Variants in GALNT18 observed in about 807,000 individuals in gnomAD.
The protein encoded by GALNT18 is polypeptide N-acetylgalactosaminyltransferase 18.
GALNT18 carries 44 observed loss-of-function variants against 69.5 expected under a neutral mutation model. The observed-to-expected ratio is 0.63, with a 90% CI of 0.50 to 0.81. GALNT18 has a LOEUF of 0.81. Ranked by LOEUF, GALNT18 falls within the 40% of genes least tolerant of loss-of-function variation. GALNT18 has a pLI of 0.00. For synonymous variants in GALNT18, 364 were observed against 318.2 expected (o/e 1.14, Z -1.53); for missense variants, 715 against 810.0 (o/e 0.88, Z 1.42).
At chr11:11,426,140 G>A (rs745375052) in intron 3 of GALNT18, among the ~76,000 whole-genome samples, 16 of 152,226 alleles carry the variant, frequency 1.1e-4, no homozygotes, top group Non-Finnish European at 1.6e-4. Flanking sequence ...GTTGGGTAAC[G>A]TGGTCGCAGG....
intron 1 of GALNT18, among the ~76,000 whole-genome samples, chr11:11,581,389 C>T (rs1278441108): frequency 3.9e-5 from 6 of 152,206 alleles, no homozygotes; most frequent in Non-Finnish European, 7.3e-5. Context: ...TGATTCCTGC[C>T]TTCTGGGGAT....
chr11:11,474,788 G>A (rs1221757069), intron 1 of GALNT18, among the ~76,000 whole-genome samples: 1 of 152,196 alleles, frequency 6.6e-6, no homozygotes, highest in Non-Finnish European at 1.5e-5. Flanking sequence ...AAGAGTTGCT[G>A]CAGTGCAAAC....
rs972976800 is a variant in GALNT18, at chr11:11,377,396, C to T, written c.780-17G>A. 1.2e-6 allele frequency: 2 copies of T among 1,612,296 alleles called. No individual in the cohort carries two copies. Among genetic ancestry groups the T allele is most frequent in the South Asian group, 2.2e-5 (2 of 91,018 alleles). On this transcript the variant is annotated splice_polypyrimidine_tract_variant and intron_variant, in intron 4 of 10. Transcript: ENST00000227756. The surrounding 1 kb of genome is among the most constrained non-coding windows in gnomAD (Gnocchi z 4.6). ...GGTTCAGCCCTGGGCAGAGAGGAGA[C>T]AGCCAGAGAGGGTAACCATTTCCAA... is the stretch of plus-strand genomic sequence containing the variant.
At chr11:11,519,354 A>G (rs966852613) in intron 1 of GALNT18, among the ~76,000 whole-genome samples, 2 of 152,196 alleles carry the variant, frequency 1.3e-5, no homozygotes, top group African/African-American at 4.8e-5. Context: ...CAAGGGAGAG[A>G]GTCCTTCCAG....
intron 6 of GALNT18, among the ~76,000 whole-genome samples, chr11:11,350,043 C>T (rs1225649104): frequency 1.3e-5 from 2 of 152,206 alleles, no homozygotes; most frequent in Non-Finnish European, 2.9e-5. Context: ...AGGGATCCCT[C>T]ATAACTATCA....
intron 1 of GALNT18, among the ~76,000 whole-genome samples, chr11:11,552,982 G>A (rs1390373998): frequency 6.6e-6 from 1 of 152,102 alleles, no homozygotes; most frequent in Admixed American, 6.5e-5. Flanking sequence ...TCTCAGCCCT[G>A]GGCTTTGCTT....
At chr11:11,446,413 A>G (rs1381740176) in intron 2 of GALNT18, among the ~76,000 whole-genome samples, 1 of 152,154 alleles carries the variant, frequency 6.6e-6, no homozygotes, top group African/African-American at 2.4e-5. Flanking sequence ...TGAAAAGTCC[A>G]TGGCTCTTCT....
rs1459411433 is a variant in GALNT18 at position 11,271,299 on chromosome 11, C to G, written c.1678-9G>C. 1 of 1,611,786 alleles carries G rather than the reference C, an allele frequency of 6.2e-7. No individual in the cohort carries two copies. Among genetic ancestry groups the G allele is most frequent in the Non-Finnish European group, 8.5e-7 (1 of 1,178,292 alleles). ...TTCTGGATGGGTCCTCCCTAGGGGC[C>G]AGGGCAGACAGTGGGGTCAGAGGGC... On this transcript the variant is annotated splice_polypyrimidine_tract_variant and intron_variant, in intron 10 of 10. Coordinates refer to ENST00000227756, the MANE Select transcript of GALNT18 (RefSeq NM_198516.3).
chr11:11,416,808 T>C (rs1478012255), intron 3 of GALNT18, among the ~76,000 whole-genome samples: 12 of 152,114 alleles, frequency 7.9e-5, no homozygotes, highest in Non-Finnish European at 1.6e-4. Flanking sequence ...TTAGGGAAGC[T>C]AGGGCAGCGT....
Position 11,591,907 on chromosome 11 carries a change from G to T in GALNT18, c.235+29452C>A, listed in dbSNP as rs1859369508. On this transcript the variant is annotated intron_variant, in intron 1 of 10. Transcript: ENST00000227756. This position sits in a 1 kb window ranked among gnomAD's most constrained non-coding sequence, Gnocchi z 4.8. ...TGATGTAACACAGTCCTCAAGATCA[G>T]ACCACATAGAGTCAATTCCTATCCC... Among the ~76,000 whole-genome samples the T allele has an allele frequency of 6.6e-6, 1 of 152,194 alleles. No homozygotes were observed. The highest frequency in any genetic ancestry group is 2.1e-4 in the South Asian group (1 of 4,826).
At position 11,470,611 on chromosome 11, in the gene GALNT18, C is replaced by T. The variant is rs1385076774; in HGVS notation, c.236-21675G>A. Among the ~76,000 whole-genome samples, 1 of 152,124 alleles carries T rather than the reference C, an allele frequency of 6.6e-6. No homozygotes were observed. Among genetic ancestry groups the T allele is most frequent in the East Asian group, 1.9e-4 (1 of 5,182 alleles). On this transcript the variant is annotated intron_variant, in intron 1 of 10. Transcript: ENST00000227756. The surrounding 1 kb of genome is among the most constrained non-coding windows in gnomAD (Gnocchi z 4.8). ...ATCTGTATATGATTCCTGTCTACTACTAAGCTAGCTGAGATATTGGCAGAG... is the reference window on the plus strand; with the variant it reads ...ATCTGTATATGATTCCTGTCTACTATTAAGCTAGCTGAGATATTGGCAGAG...
chr11:11,320,975 C>T lies in GALNT18; in HGVS notation c.1512+6111G>A, dbSNP rs906618263. The stretch of plus-strand genomic sequence containing the variant: ...ACCAGGACACCAAGGGCTCCCTGTA[C>T]AGCCCAGCTGCATGAGTGTTCTGTG... On this transcript the variant is annotated intron_variant, in intron 9 of 10. Coordinates refer to ENST00000227756, the MANE Select transcript of GALNT18 (RefSeq NM_198516.3). The surrounding 1 kb of genome is among the most constrained non-coding windows in gnomAD (Gnocchi z 4.9). Among the ~76,000 whole-genome samples, 16 of 152,208 alleles carry T rather than the reference C, an allele frequency of 1.1e-4. No homozygotes were observed. Among genetic ancestry groups the T allele is most frequent in the African/African-American group, 3.4e-4 (14 of 41,450 alleles).
rs1333534511 is a variant in GALNT18 at position 11,415,366 on chromosome 11, CCA to C, written c.595+17253_595+17254del. Among the ~76,000 whole-genome samples the C allele has an allele frequency of 6.6e-6, 1 of 152,064 alleles. No individual in the cohort carries two copies. The highest frequency in any genetic ancestry group is 1.5e-5 in the Non-Finnish European group (1 of 68,016). On this transcript the variant is annotated intron_variant, in intron 3 of 10. Coordinates refer to ENST00000227756, the MANE Select transcript of GALNT18 (RefSeq NM_198516.3). This position sits in a 1 kb window ranked among gnomAD's most constrained non-coding sequence, Gnocchi z 4.1. The stretch of plus-strand genomic sequence containing the variant: ...GGTGGGGGATGACTTAGAATTCTGC[CCA>C]CACAGTGATCAATAAATAGTTGCCG...
chr11:11,525,827 T>C (rs893425383), intron 1 of GALNT18, among the ~76,000 whole-genome samples: 2 of 151,824 alleles, frequency 1.3e-5, no homozygotes, highest in African/African-American at 4.8e-5. Flanking sequence ...AGAGACAGGG[T>C]TTCTCCATGT....
intron 9 of GALNT18, among the ~76,000 whole-genome samples, chr11:11,297,394 C>T (rs528871986): frequency 4.9e-4 from 74 of 152,254 alleles, no homozygotes; most frequent in Middle Eastern, 3.4e-3. Context: ...AGCTGAGGCA[C>T]GGAGACCATA....
chr11:11,437,448 G>C (rs1322305828), intron 2 of GALNT18, among the ~76,000 whole-genome samples: 1 of 152,112 alleles, frequency 6.6e-6, no homozygotes, highest in African/African-American at 2.4e-5. Flanking sequence ...TGCAGGGATG[G>C]GGAGCAACAA....
At chr11:11,550,057 T>G (rs1858152970) in intron 1 of GALNT18, among the ~76,000 whole-genome samples, 1 of 152,224 alleles carries the variant, frequency 6.6e-6, no homozygotes, top group South Asian at 2.1e-4. Context: ...AGGACAGGAC[T>G]CTGATGGCAG....
chr11:11,455,813 G>A (rs148444145), intron 1 of GALNT18, among the ~76,000 whole-genome samples: 66 of 152,284 alleles, frequency 4.3e-4, no homozygotes, highest in African/African-American at 1.6e-3. Flanking sequence ...GTGGCACTGG[G>A]CACAGTGACT....
Position 11,396,752 on chromosome 11 carries a change from G to A in GALNT18, c.596-17488C>T, listed in dbSNP as rs953554136. Among the ~76,000 whole-genome samples, 1 of 152,168 alleles carries A rather than the reference G, an allele frequency of 6.6e-6. No homozygotes were observed. The highest frequency in any genetic ancestry group is 2.4e-5 in the African/African-American group (1 of 41,420). On this transcript the variant is annotated intron_variant, in intron 3 of 10. Coordinates refer to ENST00000227756, the MANE Select transcript of GALNT18 (RefSeq NM_198516.3). This position sits in a 1 kb window ranked among gnomAD's most constrained non-coding sequence, Gnocchi z 5.2. The stretch of plus-strand genomic sequence containing the variant: ...AGCTCTGGATCTCTAATCTGCAGTT[G>A]ATGCTCTGACCAGATGGAGGGAGAG...
Sources: allele counts gnomAD v4.1 joint callset (sites outside exome capture counted in the v4.1 genomes callset), GRCh38; gene constraint gnomAD v4.1.1; non-coding constraint Gnocchi (gnomAD v3.1); transcripts MANE v1.5; gene names NCBI Gene and HGNC (gene_info 2026-07-23, HGNC 2026-07-21).